Variants in HS3ST4 observed in about 807,000 individuals in gnomAD.
The protein encoded by HS3ST4 is heparan sulfate glucosamine 3-O-sulfotransferase 4.
A neutral mutation model predicts 29.2 loss-of-function variants in HS3ST4; 17 were observed. The ratio of observed to expected loss-of-function variants is 0.58; its 90% CI spans 0.40 to 0.87. The LOEUF (loss-of-function observed/expected upper bound fraction) is 0.87. Ranked by LOEUF, HS3ST4 falls within the 40% of genes least tolerant of loss-of-function variation. The probability of loss-of-function intolerance (pLI) is 0.00; values close to 1 mark genes in which losing one functional copy is unlikely to be tolerated. For missense variants in HS3ST4, 627 were observed against 634.5 expected (o/e 0.99, Z 0.13); for synonymous variants, 314 against 285.7 (o/e 1.10, Z -1.00).
intron 1 of HS3ST4, among the ~76,000 whole-genome samples, chr16:25,755,526 C>T (rs1181006775): frequency 2.6e-5 from 4 of 152,022 alleles, no homozygotes; most frequent in South Asian, 2.1e-4. Flanking sequence ...TGGAGAACTT[C>T]GTAGATCATG....
At chr16:25,823,970 A>G (rs187537106) in intron 1 of HS3ST4, among the ~76,000 whole-genome samples, 10 of 152,344 alleles carry the variant, frequency 6.6e-5, no homozygotes, top group African/African-American at 2.2e-4. Context: ...GAGAACTTGA[A>G]TAAAGTGATG....
At chr16:26,044,738 G>T (rs967284736) in intron 1 of HS3ST4, among the ~76,000 whole-genome samples, 3 of 152,166 alleles carry the variant, frequency 2.0e-5, no homozygotes, top group Non-Finnish European at 2.9e-5. Flanking sequence ...GCATCTGCAG[G>T]TTGGGATGAT....
At chr16:26,060,025 G>A (rs1025472526) in intron 1 of HS3ST4, among the ~76,000 whole-genome samples, 5 of 152,034 alleles carry the variant, frequency 3.3e-5, no homozygotes, top group Admixed American at 6.6e-5. Context: ...TGATCTGCCC[G>A]CCCCGGCCTC....
intron 1 of HS3ST4, among the ~76,000 whole-genome samples, chr16:25,979,600 A>G: frequency 6.6e-6 from 1 of 152,214 alleles, no homozygotes; most frequent in East Asian, 1.9e-4. Context: ...GCAGGAAAGC[A>G]AACTCAGGGC....
intron 1 of HS3ST4, among the ~76,000 whole-genome samples, chr16:25,833,075 G>A (rs576699706): frequency 6.6e-6 from 1 of 152,218 alleles, no homozygotes; most frequent in South Asian, 2.1e-4. Context: ...GCTTCAGTTG[G>A]AGATTTGGTC....
chr16:26,130,945 T>C (rs1899409959), intron 1 of HS3ST4, among the ~76,000 whole-genome samples: 1 of 152,198 alleles, frequency 6.6e-6, no homozygotes, highest in Admixed American at 6.5e-5. Flanking sequence ...AAGTCTGAAA[T>C]TGACTTGGTA....
intron 1 of HS3ST4, among the ~76,000 whole-genome samples, chr16:26,120,898 C>T (rs1391540610): frequency 6.6e-6 from 1 of 152,178 alleles, no homozygotes; most frequent in Non-Finnish European, 1.5e-5. Context: ...AGATTACATT[C>T]TCTGAGAATA....
rs552876799 is a variant in HS3ST4, at chr16:26,002,627, AAGAG to A, written c.735-132979_735-132976del. 3.0e-4 allele frequency among the ~76,000 whole-genome samples: 45 copies of A among 150,920 alleles called. No homozygotes were observed. The South Asian group carries it at 7.9e-3, about 26-fold the overall frequency. On this transcript the variant is annotated intron_variant, in intron 1 of 1. Coordinates refer to ENST00000331351, the MANE Select transcript of HS3ST4 (RefSeq NM_006040.3). ...GCCAAATAGTAAAAAGAAAGAGAGA[AAGAG>A]AGAGAAAGGGAGGAAAGGGAAGAAA...
intron 1 of HS3ST4, among the ~76,000 whole-genome samples, chr16:26,129,435 C>G (rs1265635630): frequency 6.6e-6 from 1 of 152,220 alleles, no homozygotes; most frequent in Non-Finnish European, 1.5e-5. Flanking sequence ...CCTCTTCTCG[C>G]TTTGGGTAAA....
intron 1 of HS3ST4, chr16:26,062,687 G>T (rs936412145): frequency 3.8e-5 from 6 of 157,952 alleles, no homozygotes; most frequent in African/African-American, 1.2e-4. Flanking sequence ...CATGATGAAA[G>T]ATTTCAGAAC....
chr16:25,856,003 G>A (rs932013443), intron 1 of HS3ST4, among the ~76,000 whole-genome samples: 2 of 151,910 alleles, frequency 1.3e-5, no homozygotes, highest in African/African-American at 2.4e-5. Flanking sequence ...CCTTTGTTAT[G>A]GAGAATGCTC....
chr16:25,911,941 C>T (rs796204332), intron 1 of HS3ST4, among the ~76,000 whole-genome samples: 81 of 152,206 alleles, frequency 5.3e-4, no homozygotes, highest in African/African-American at 1.9e-3. Context: ...ATAGAGACAC[C>T]TGTCTAAATG....
chr16:25,720,056 A>T (rs1057226761), intron 1 of HS3ST4, among the ~76,000 whole-genome samples: 2 of 152,188 alleles, frequency 1.3e-5, no homozygotes, highest in Non-Finnish European at 2.9e-5. Context: ...ATGTCAGGTG[A>T]TGGTAAATGA....
chr16:25,704,814 G>C (rs1567223577), intron 1 of HS3ST4, among the ~76,000 whole-genome samples: 1 of 151,072 alleles, frequency 6.6e-6, no homozygotes. Context: ...AGAAGGCAGA[G>C]GTTGCAGTGA....
At position 26,054,241 on chromosome 16, in the gene HS3ST4, T is replaced by C. The variant is rs1353844182; in HGVS notation, c.735-81371T>C. On this transcript the variant is annotated intron_variant, in intron 1 of 1. Coordinates refer to ENST00000331351, the MANE Select transcript of HS3ST4 (RefSeq NM_006040.3). ...ACATCATAATGTATCCTCACTTCCA[T>C]GAGAAGGAGAGAGAGAGACAGAGAG... Among the ~76,000 whole-genome samples, 6 of 134,814 alleles carry C rather than the reference T, an allele frequency of 4.5e-5. No individual in the cohort carries two copies. The Admixed American group carries it at 4.5e-4, about 10-fold the overall frequency. 88.4% of individuals were successfully genotyped at this position (134,814 alleles called of 152,430 possible). A position where few individuals can be genotyped will look rare whatever the true frequency, so the allele number is the denominator to read the frequency against.
At chr16:26,012,195 G>A (rs929191298) in intron 1 of HS3ST4, among the ~76,000 whole-genome samples, 1 of 152,190 alleles carries the variant, frequency 6.6e-6, no homozygotes, top group African/African-American at 2.4e-5. Context: ...AGGAAACAGT[G>A]ATCCATGTTT....
At chr16:25,781,360 G>A (rs1966852429) in intron 1 of HS3ST4, among the ~76,000 whole-genome samples, 1 of 152,130 alleles carries the variant, frequency 6.6e-6, no homozygotes, top group Admixed American at 6.5e-5. Context: ...CTCATCAGCG[G>A]TTCTCTTGAG....
At chr16:26,092,169 C>G (rs933571605) in intron 1 of HS3ST4, among the ~76,000 whole-genome samples, 1 of 152,188 alleles carries the variant, frequency 6.6e-6, no homozygotes, top group African/African-American at 2.4e-5. Flanking sequence ...CCTCCTGAGG[C>G]ACTGTTCAAG....
At chr16:25,882,953 G>A (rs945850629) in intron 1 of HS3ST4, among the ~76,000 whole-genome samples, 2 of 152,140 alleles carry the variant, frequency 1.3e-5, no homozygotes, top group African/African-American at 4.8e-5. Flanking sequence ...ACCTCTGGGA[G>A]GGTGACAGAG....
Sources: allele counts gnomAD v4.1 joint callset (sites outside exome capture counted in the v4.1 genomes callset), GRCh38; gene constraint gnomAD v4.1.1; transcripts MANE v1.5; gene names NCBI Gene and HGNC (gene_info 2026-07-23, HGNC 2026-07-21).